The following EPHA6 variants were observed in gnomAD, a reference collection of about 807,000 sequenced individuals.
EPHA6 encodes ephrin type-A receptor 6.
A neutral mutation model predicts 112.0 loss-of-function variants in EPHA6; 50 were observed. That is an observed-to-expected ratio of 0.45 (90% CI 0.36 to 0.56). EPHA6 has a LOEUF of 0.56. Among genes scored for constraint, EPHA6 ranks in the 20% least tolerant of loss-of-function variants. The probability of loss-of-function intolerance (pLI) is 0.00; values close to 1 mark genes in which losing one functional copy is unlikely to be tolerated. For synonymous variants in EPHA6, 529 were observed against 490.7 expected (o/e 1.08, Z -1.03); for missense variants, 1,280 against 1,417.4 (o/e 0.90, Z 1.56).
chr3:97,080,980 A>G (rs183261997), intron 3 of EPHA6, among the ~76,000 whole-genome samples: 33 of 152,160 alleles, frequency 2.2e-4, no homozygotes, highest in African/African-American at 7.2e-4. Flanking sequence ...TACAAAAACT[A>G]GAAGTGCTTT....
At chr3:97,570,532 C>G (rs569989155) in intron 11 of EPHA6, among the ~76,000 whole-genome samples, 1 of 152,220 alleles carries the variant, frequency 6.6e-6, no homozygotes, top group East Asian at 1.9e-4. Flanking sequence ...GAGTTGAACA[C>G]CAGCCTGGCC....
chr3:97,615,835 T>C (rs1354315395), intron 13 of EPHA6, among the ~76,000 whole-genome samples: 2 of 152,168 alleles, frequency 1.3e-5, no homozygotes, highest in Non-Finnish European at 1.5e-5. Flanking sequence ...CTCCCTGGTA[T>C]GGAGAGCCCA....
intron 5 of EPHA6, among the ~76,000 whole-genome samples, chr3:97,387,530 A>G (rs2086143926): frequency 6.6e-6 from 1 of 152,160 alleles, no homozygotes; most frequent in Non-Finnish European, 1.5e-5. Context: ...CCAGTTCCCA[A>G]TAAGTTGCTC....
At chr3:96,999,618 C>T (rs559953945) in intron 3 of EPHA6, among the ~76,000 whole-genome samples, 23 of 151,912 alleles carry the variant, frequency 1.5e-4, no homozygotes, top group Non-Finnish European at 3.2e-4. Context: ...CAATTCTCTG[C>T]CATGGAAGAG....
intron 11 of EPHA6, among the ~76,000 whole-genome samples, chr3:97,544,727 T>C (rs906461186): frequency 1.3e-5 from 2 of 152,146 alleles, no homozygotes; most frequent in Non-Finnish European, 2.9e-5. Context: ...GTCCTGGACT[T>C]TTGTTGGTTG....
At chr3:97,408,864 C>T (rs1243733195) in intron 6 of EPHA6, among the ~76,000 whole-genome samples, 4 of 152,026 alleles carry the variant, frequency 2.6e-5, no homozygotes, top group Non-Finnish European at 5.9e-5. Context: ...CATTCAGACT[C>T]TAACAGTTAT....
chr3:97,666,136 T>C (rs2030078745), intron 14 of EPHA6, among the ~76,000 whole-genome samples: 1 of 152,090 alleles, frequency 6.6e-6, no homozygotes, highest in Non-Finnish European at 1.5e-5. Context: ...AATTCAGCCC[T>C]AGATAACACA....
At chr3:97,238,874 C>A (rs1046634933) in intron 4 of EPHA6, among the ~76,000 whole-genome samples, 1 of 151,862 alleles carries the variant, frequency 6.6e-6, no homozygotes, top group Non-Finnish European at 1.5e-5. Flanking sequence ...TATGAAGACA[C>A]TTGTAGACAA....
chr3:97,481,963 C>T lies in EPHA6; in HGVS notation c.2075-1971C>T, dbSNP rs185216847. Among the ~76,000 whole-genome samples, 536 of 152,256 alleles carry T rather than the reference C, an allele frequency of 3.5e-3. 3 individuals are homozygous for T. The highest frequency in any genetic ancestry group is 6.2e-3 in the Non-Finnish European group (421 of 68,020). The stretch of plus-strand genomic sequence containing the variant: ...AAGAGGTAGGTTAGCATAAACCAAA[C>T]CAGATGGGCCCAGCATGAAGCGATG... On this transcript the variant is annotated intron_variant, in intron 9 of 17. Coordinates refer to ENST00000389672, the MANE Select transcript of EPHA6 (RefSeq NM_001080448.3).
chr3:97,061,947 G>T (rs2046035703), intron 3 of EPHA6, among the ~76,000 whole-genome samples: 1 of 152,128 alleles, frequency 6.6e-6, no homozygotes, highest in Admixed American at 6.5e-5. Flanking sequence ...TTATATTACA[G>T]AAATATTTAT....
chr3:96,994,728 T>TAGAGAG (rs1455826302), intron 3 of EPHA6, among the ~76,000 whole-genome samples: 7 of 78,826 alleles, frequency 8.9e-5, no homozygotes, highest in African/African-American at 4.6e-4. Flanking sequence ...TATATATATA[T>TAGAGAG]ATATAGAGAG....
chr3:97,442,048 A>C (rs1254414663), intron 6 of EPHA6, among the ~76,000 whole-genome samples: 3 of 152,136 alleles, frequency 2.0e-5, no homozygotes, highest in African/African-American at 7.2e-5. Flanking sequence ...AACTAGCTTT[A>C]AAAAAAGGAG....
intron 13 of EPHA6, among the ~76,000 whole-genome samples, chr3:97,620,867 G>A (rs1434269074): frequency 4.6e-5 from 7 of 151,914 alleles, no homozygotes; most frequent in African/African-American, 1.7e-4. Flanking sequence ...ATTCCTCAGA[G>A]ACCTAAAGAC....
intron 15 of EPHA6, among the ~76,000 whole-genome samples, chr3:97,723,431 A>G (rs2034619022): frequency 6.6e-6 from 1 of 152,168 alleles, no homozygotes; most frequent in African/African-American, 2.4e-5. Flanking sequence ...ATTTTTGTCT[A>G]TTAAACCTCA....
At chr3:96,824,389 G>A (rs1008483593) in intron 1 of EPHA6, among the ~76,000 whole-genome samples, 5 of 151,628 alleles carry the variant, frequency 3.3e-5, no homozygotes, top group African/African-American at 1.2e-4. Flanking sequence ...TATATCTGTA[G>A]TTATCTTTGG....
intron 5 of EPHA6, among the ~76,000 whole-genome samples, chr3:97,305,106 T>C (rs1198028401): frequency 1.3e-5 from 2 of 152,036 alleles, no homozygotes; most frequent in Admixed American, 1.3e-4. Context: ...AAGACATTTA[T>C]CTGGCCAACA....
Position 97,679,057 on chromosome 3 carries a change from G to C in EPHA6, c.2784+40975G>C, listed in dbSNP as rs548485371. ...TTCTTGTTTTTATGTTCCTGGTTTT[G>C]TTATATTAGTCAAAATAATTCTGCT... On this transcript the variant is annotated intron_variant, in intron 14 of 17. Coordinates refer to ENST00000389672, the MANE Select transcript of EPHA6 (RefSeq NM_001080448.3). Among the ~76,000 whole-genome samples, 8 of 152,128 alleles carry C rather than the reference G, an allele frequency of 5.3e-5. No individual in the cohort carries two copies. The South Asian group carries it at 1.7e-3, about 32-fold the overall frequency.
At chr3:97,499,035 A>G (rs1418072849) in intron 10 of EPHA6, among the ~76,000 whole-genome samples, 1 of 152,190 alleles carries the variant, frequency 6.6e-6, no homozygotes, top group African/African-American at 2.4e-5. Context: ...TGTCTTTTTA[A>G]AACTTTTAAG....
At chr3:97,319,510 A>C (rs766355448) in intron 5 of EPHA6, among the ~76,000 whole-genome samples, 10 of 151,578 alleles carry the variant, frequency 6.6e-5, no homozygotes, top group Admixed American at 1.3e-4. Flanking sequence ...TCTACTAAAA[A>C]TGCAAAAAAA....
Sources: gnomAD v4.1 joint callset for allele counts (sites outside exome capture counted in the v4.1 genomes callset) on GRCh38, gnomAD v4.1.1 for gene constraint, MANE v1.5 for transcripts, NCBI Gene and HGNC (gene_info 2026-07-23, HGNC 2026-07-21) for gene names.